GRIPAP1: variants seen among roughly 807,000 people sequenced by gnomAD.
GRIPAP1 encodes the protein GRIP1-associated protein 1.
A neutral mutation model predicts 84.1 loss-of-function variants in GRIPAP1; 14 were observed. That is an observed-to-expected ratio of 0.17 (90% CI 0.11 to 0.26). The LOEUF (loss-of-function observed/expected upper bound fraction) is 0.26. Among genes scored for constraint, GRIPAP1 ranks in the 10% least tolerant of loss-of-function variants. The pLI is 1.00. For synonymous variants in GRIPAP1, 261 were observed against 256.8 expected, an observed-to-expected ratio of 1.02 and a Z score of -0.15; for missense variants, 518 against 674.2, an observed-to-expected ratio of 0.77 and a Z score of 2.57.
At position 48,981,646 on chromosome X, in the gene GRIPAP1, C is replaced by T. The variant is rs149173903; in HGVS notation, c.1723G>A (p.Ala575Thr). 34 of 1,207,908 alleles carry T rather than the reference C, an allele frequency of 2.8e-5. No homozygotes were observed. In the African/African-American group the frequency reaches 5.6e-4, roughly 20 times the overall value. Residue 575 changes from alanine (A) to threonine (T), a missense_variant, in exon 19 of 26, where the codon GCC (alanine) becomes ACC (threonine). Ala to Thr is a moderately conservative substitution (Grantham distance 58). Coordinates refer to ENST00000376423, the MANE Select transcript of GRIPAP1 (RefSeq NM_020137.5). Reference sequence around the variant, plus strand: ...AGGTGGCAGTCCCGCTCCTCCTGGGCCTGCTCGAGCTGATCCCGTACATCC... The same window carrying T: ...AGGTGGCAGTCCCGCTCCTCCTGGGTCTGCTCGAGCTGATCCCGTACATCC... ...LQDVRDQLEQ[A>T]QEERDCHLKT...
At chrX:48,983,488 A>G (rs782569727) in intron 15 of GRIPAP1, 48 bp from the exon 16 acceptor site, 2 of 1,051,960 alleles carry the variant, frequency 1.9e-6, no homozygotes, top group Non-Finnish European at 2.6e-6. Flanking sequence ...AACATCGAAA[A>G]AAGGCCTCCA....
chrX:48,975,936 G>GAGAGA, intron 24 of GRIPAP1, 82 bp downstream of exon 24: 1 of 802,936 alleles, frequency 1.2e-6, no homozygotes. Flanking sequence ...GAGAGGAGAG[G>GAGAGA]AGAGAAGCCG....
chrX:48,974,172 G>A lies in GRIPAP1; in HGVS notation c.*21C>T, dbSNP rs1208835918. 11 of 1,080,852 alleles carry A rather than the reference G, an allele frequency of 1.0e-5. No individual in the cohort carries two copies. The highest frequency in any genetic ancestry group is 1.4e-5 in the Non-Finnish European group (11 of 779,664). The allele number at this position is 1,080,852 out of a possible 1,213,427, so 89.1% of individuals were successfully genotyped here. A position where few individuals can be genotyped will look rare whatever the true frequency, so the allele number is the denominator to read the frequency against. On this transcript the variant is annotated 3_prime_UTR_variant, in exon 26 of 26. Coordinates refer to ENST00000376423, the MANE Select transcript of GRIPAP1 (RefSeq NM_020137.5). Reference sequence around the variant, plus strand: ...TCCTAGGGGGTAGGAAGGGGAGGAGGTGGGTGCAGCCTGCAGGTCTTTAGC... The same window carrying A: ...TCCTAGGGGGTAGGAAGGGGAGGAGATGGGTGCAGCCTGCAGGTCTTTAGC...
intron 22 of GRIPAP1, chrX:48,977,980 A>G: frequency 5.7e-6 from 1 of 174,729 alleles, no homozygotes; most frequent in African/African-American, 2.9e-5. Context: ...ACAGCCGGCA[A>G]TAATAATTAG....
rs2064584482 is a variant in GRIPAP1 at position 49,002,213 on chromosome X, G to A, written c.17C>T (p.Ser6Phe). Residue 6 changes from serine to phenylalanine, a missense_variant, in exon 1 of 26, where the codon TCT becomes TTT. Ser to Phe is a radical substitution (Grantham distance 155). Coordinates refer to ENST00000376423, the MANE Select transcript of GRIPAP1 (RefSeq NM_020137.5). ...CTGCATCCGCTGAAACTCCTCCTCA[G>A]ACAGAGCTTGCGCCATGTTCCTCCC... MAQAL[S>F]EEEFQRMQAQ... The A allele has an allele frequency of 1.7e-6, 2 of 1,170,217 alleles. No individual in the cohort carries two copies. Among genetic ancestry groups the A allele is most frequent in the African/African-American group, 1.8e-5 (1 of 55,920 alleles).
Position 48,989,641 on chromosome X carries a change from C to T in GRIPAP1, c.840G>A (p.Lys280=). The change falls in exon 11 of 26, where the codon AAG becomes AAA. Residue 280 remains lysine (K), a synonymous_variant. Transcript: ENST00000376423. ...TGGCAGCCTCAAGTTCCTGCTGCAG[C>T]TTCTGGGTTCGAGCCAACTGGGCTT... ...DHKAQLARTQ[K]LQQELEAANQ... 8.3e-7 allele frequency: 1 copy of T among 1,204,326 alleles called. No individual in the cohort carries two copies. The highest frequency in any genetic ancestry group is 1.1e-6 in the Non-Finnish European group (1 of 888,876).
chrX:48,989,980 T>C lies in GRIPAP1; in HGVS notation c.714A>G (p.Lys238=), dbSNP rs782245372. The C allele has an allele frequency of 4.8e-5, 58 of 1,202,133 alleles. No homozygotes were observed. The South Asian group carries it at 9.6e-4, about 20-fold the overall frequency. Residue 238 remains lysine, a synonymous_variant, in exon 9 of 26, where the codon AAA becomes AAG. Coordinates refer to ENST00000376423, the MANE Select transcript of GRIPAP1 (RefSeq NM_020137.5). ...GGGAAAAAGAAATTTACCTTTCTTG[T>C]TTCTTTTTCAGTTTCTCGGAGAGCT... ...LAKLSEKLKK[K]QESFCRLQTE... is the part of the protein sequence containing the mutation.
intron 21 of GRIPAP1, among the ~76,000 whole-genome samples, chrX:48,978,999 C>T (rs1272448998): frequency 9.1e-6 from 1 of 109,852 alleles, no homozygotes; most frequent in African/African-American, 3.3e-5. Flanking sequence ...AGAAAGAGAA[C>T]GACATGGGTA....
rs1299240216 is a variant in GRIPAP1, at chrX:48,978,909, A to AC, written c.1931-475_1931-474insG. On this transcript the variant is annotated intron_variant, in intron 21 of 25. Transcript: ENST00000376423. ...GACTCTTGTCTCAAAAAAAAAAAAA[A>AC]AAAAAACAGAAAGAAAAGAAAGAGC... Among the ~76,000 whole-genome samples, 545 of 102,338 alleles carry AC rather than the reference A, an allele frequency of 5.3e-3. 4 individuals are homozygous for AC. The highest frequency in any genetic ancestry group is 0.048 in the Middle Eastern group (10 of 208). 88.9% of individuals were successfully genotyped at this position (102,338 alleles called of 115,157 possible).
At chrX:48,989,485 G>C in intron 11 of GRIPAP1, 126 bp downstream of exon 11, 1 of 464,189 alleles carries the variant, frequency 2.2e-6, no homozygotes, top group East Asian at 3.6e-5. Context: ...CTCCTGGGGG[G>C]CCCCAGAACC....
Position 48,974,222 on chromosome X carries a change from G to C in GRIPAP1, c.2497C>G (p.Pro833Ala). The change falls in exon 26 of 26, where the codon CCA (proline) becomes GCA (alanine). Residue 833 changes from proline to alanine, a missense_variant. Physicochemically the swap from Pro to Ala is conservative, Grantham distance 27. This residue lies in a region of GRIPAP1 where 30 missense variants were observed against 23.8 expected (regional missense o/e 1.26). Transcript: ENST00000376423. ...LSKECVGPPD[P>A]DLEPGETS ...CTGGTTTCTCCTGGCTCTAGGTCTG[G>C]GTCAGGAGGCCCCACGCACTCCTTG... 8.3e-7 allele frequency: 1 copy of C among 1,206,370 alleles called. No homozygotes were observed. Among genetic ancestry groups the C allele is most frequent in the Non-Finnish European group, 1.1e-6 (1 of 890,787 alleles).
intron 11 of GRIPAP1, 139 bp from the exon 12 acceptor site, chrX:48,988,337 A>C: frequency 1.9e-5 from 9 of 465,512 alleles, no homozygotes; most frequent in East Asian, 7.5e-5. Flanking sequence ...CAGCAATCTC[A>C]GGTTCACCCA....
At chrX:48,980,196 C>T (rs1037429541) in intron 21 of GRIPAP1, among the ~76,000 whole-genome samples, 4 of 103,068 alleles carry the variant, frequency 3.9e-5, no homozygotes, top group Non-Finnish European at 7.9e-5. Flanking sequence ...AGGCCATCCC[C>T]GTCTTAAAAA....
At chrX:48,996,259 G>A (rs184029240) in intron 5 of GRIPAP1, among the ~76,000 whole-genome samples, 26 of 111,807 alleles carry the variant, frequency 2.3e-4, no homozygotes, top group African/African-American at 5.2e-4. Flanking sequence ...GGTTATTTTC[G>A]GTTTTGTTTT....
intron 13 of GRIPAP1, among the ~76,000 whole-genome samples, chrX:48,985,970 C>T (rs1344082795): frequency 3.6e-5 from 4 of 111,015 alleles, no homozygotes; most frequent in African/African-American, 9.8e-5. Context: ...AAGCCGGGCG[C>T]GGTGGCTCAT....
rs782575138 is a variant in GRIPAP1, at chrX:48,974,494, T to C, written c.2434-209A>G. ...AAAGTCATGAGGATGGGTGGGGAGC[T>C]ACAGATAATGGGAGTGGGATGCCTC... On this transcript the variant is annotated intron_variant, in intron 25 of 25. Coordinates refer to ENST00000376423, the MANE Select transcript of GRIPAP1 (RefSeq NM_020137.5). 6.3e-5 allele frequency among the ~76,000 whole-genome samples: 7 copies of C among 111,475 alleles called. No homozygotes were observed. The South Asian group carries it at 2.3e-3, about 36-fold the overall frequency.
At chrX:48,980,883 CAAAA>C (rs374495965) in intron 21 of GRIPAP1, 15 of 176,921 alleles carry the variant, frequency 8.5e-5, no homozygotes, top group Middle Eastern at 1.9e-3. Context: ...AACTCTGTCT[CAAAA>C]AAAAAAAAAG....
chrX:48,999,422 G>A lies in GRIPAP1; in HGVS notation c.109+16C>T. 1 of 1,176,003 alleles carries A rather than the reference G, an allele frequency of 8.5e-7. No homozygotes were observed. The highest frequency in any genetic ancestry group is 1.2e-6 in the Non-Finnish European group (1 of 863,138). Reference sequence around the variant, plus strand: ...CCCCAAAGCCACCCCCATCTAATAAGGCCCTCCTGGCTCACCAACACCATT... The same window carrying A: ...CCCCAAAGCCACCCCCATCTAATAAAGCCCTCCTGGCTCACCAACACCATT... On this transcript the variant is annotated intron_variant, in intron 2 of 25. Coordinates refer to ENST00000376423, the MANE Select transcript of GRIPAP1 (RefSeq NM_020137.5).
intron 13 of GRIPAP1, among the ~76,000 whole-genome samples, chrX:48,985,918 C>T (rs2064484527): frequency 1.8e-5 from 2 of 110,798 alleles, no homozygotes; most frequent in South Asian, 7.7e-4. Flanking sequence ...TAGTACATTT[C>T]ATGCACTTTA....
Sources: gnomAD v4.1 joint callset for allele counts (sites outside exome capture counted in the v4.1 genomes callset) on GRCh38, gnomAD v4.1.1 for gene constraint, gnomAD v4.1.1 regional missense constraint, MANE v1.5 for transcripts, NCBI Gene and HGNC (gene_info 2026-07-23, HGNC 2026-07-21) for gene names.